Variants in FBXO25 observed in about 807,000 individuals in gnomAD.
FBXO25 encodes the protein F-box only protein 25.
A neutral mutation model predicts 51.9 loss-of-function variants in FBXO25; 45 were observed. That is an observed-to-expected ratio of 0.87 (90% confidence interval 0.68 to 1.11). FBXO25 has a LOEUF of 1.11. FBXO25 is among the 50% of genes most tolerant of loss of function. The pLI, the probability that FBXO25 is intolerant of heterozygous loss-of-function variation, is 0.00. For synonymous variants in FBXO25, 199 were observed against 151.0 expected (o/e 1.32, Z -2.33); for missense variants, 507 against 428.5 (o/e 1.18, Z -1.62).
chr8:458,252 A>C, intron 7 of FBXO25, 117 bp from the exon 8 acceptor site: 119 of 1,110,272 alleles, frequency 1.1e-4, no homozygotes, highest in Non-Finnish European at 1.5e-4. Context: ...CATGACATGG[A>C]GAGCTCTTTT....
At chr8:415,821 A>C (rs1463578919) in intron 2 of FBXO25, among the ~76,000 whole-genome samples, 2 of 152,226 alleles carry the variant, frequency 1.3e-5, no homozygotes, top group East Asian at 3.8e-4. Flanking sequence ...AAGGAAAGAT[A>C]CTGAAGAAGA....
Position 472,315 on chromosome 8 carries a change from T to C in FBXO25, c.*3511T>C, listed in dbSNP as rs1800509347. On this transcript the variant is annotated 3_prime_UTR_variant, in exon 10 of 10. Coordinates refer to ENST00000350302, the MANE Select transcript of FBXO25 (RefSeq NM_183420.2). ...TTTTTCTGCATCTCTTAAGATAATG[T>C]AGTTTTTGGCCTTCATAAGATCATG... 1 of 152,232 alleles carries C rather than the reference T, an allele frequency of 6.6e-6. No individual in the cohort carries two copies. The highest frequency in any genetic ancestry group is 1.5e-5 in the Non-Finnish European group (1 of 68,044). 9.4% of individuals were successfully genotyped at this position (152,232 alleles called of 1,614,324 possible). A position where few individuals can be genotyped will look rare whatever the true frequency, so the allele number is the denominator to read the frequency against.
intron 4 of FBXO25, among the ~76,000 whole-genome samples, chr8:433,419 A>G (rs147511452): frequency 0.11 from 16,424 of 152,086 alleles, 1,090 homozygotes; most frequent in African/African-American, 0.18. Flanking sequence ...GCTGATGGGA[A>G]TGTGTCCTCC....
At chr8:448,619 C>G (rs1193786674) in intron 5 of FBXO25, among the ~76,000 whole-genome samples, 1 of 152,236 alleles carries the variant, frequency 6.6e-6, no homozygotes, top group Non-Finnish European at 1.5e-5. Flanking sequence ...GACTGGATGT[C>G]AGTGAATCTC....
At position 476,126 on chromosome 8, in the gene FBXO25, C is replaced by T. The variant is rs1465816942; in HGVS notation, c.*7322C>T. On this transcript the variant is annotated 3_prime_UTR_variant, in exon 10 of 10. Transcript: ENST00000350302. ...GCTTTTTCTCCATCAATGGAGATCA[C>T]ATTTTTTTCCTTCATTCTATTAATG... 1.3e-5 allele frequency: 2 copies of T among 151,940 alleles called. No homozygotes were observed. The highest frequency in any genetic ancestry group is 4.8e-5 in the African/African-American group (2 of 41,272). The allele number at this position is 151,940 out of a possible 1,614,324, so 9.4% of individuals were successfully genotyped here. A position where few individuals can be genotyped will look rare whatever the true frequency, so the allele number is the denominator to read the frequency against.
intron 9 of FBXO25, among the ~76,000 whole-genome samples, chr8:464,260 T>C (rs1196056821): frequency 6.6e-6 from 1 of 152,244 alleles, no homozygotes; most frequent in African/African-American, 2.4e-5. Flanking sequence ...CCGGCAATTA[T>C]CCACTTTTTT....
chr8:449,683 A>T (rs1181248757), intron 5 of FBXO25, among the ~76,000 whole-genome samples: 1 of 152,192 alleles, frequency 6.6e-6, no homozygotes, highest in Non-Finnish European at 1.5e-5. Flanking sequence ...CTGGAAAGCT[A>T]AAAGCTCCAT....
intron 6 of FBXO25, chr8:450,600 C>A (rs17064974): frequency 0.2 from 29,824 of 152,040 alleles, 4,542 homozygotes; most frequent in African/African-American, 0.43. Context: ...TACAAAAGAA[C>A]GTGTAAACTG....
At chr8:467,876 C>A in intron 9 of FBXO25, 1 of 1,569,366 alleles carries the variant, frequency 6.4e-7, no homozygotes, top group African/African-American at 1.3e-5. Context: ...TTTCTCAGGA[C>A]CCTGAGCAGG....
At chr8:443,470 C>T (rs1798550474) in intron 5 of FBXO25, among the ~76,000 whole-genome samples, 2 of 151,728 alleles carry the variant, frequency 1.3e-5, no homozygotes, top group Admixed American at 6.6e-5. Context: ...AAAAAGCAGA[C>T]GTTCTTTCTG....
chr8:409,903 T>A (rs961466957), intron 1 of FBXO25, among the ~76,000 whole-genome samples: 9 of 152,204 alleles, frequency 5.9e-5, no homozygotes, highest in African/African-American at 2.2e-4. Context: ...TGACCTGGCT[T>A]CTAGTCGCTT....
chr8:457,699 A>G (rs751444839), intron 7 of FBXO25, among the ~76,000 whole-genome samples: 10 of 152,242 alleles, frequency 6.6e-5, no homozygotes, highest in Non-Finnish European at 1.5e-4. Flanking sequence ...ACAAAAATAA[A>G]AGGATTATGA....
At chr8:412,463 G>A (rs1260986533) in intron 1 of FBXO25, among the ~76,000 whole-genome samples, 2 of 152,132 alleles carry the variant, frequency 1.3e-5, no homozygotes, top group Non-Finnish European at 2.9e-5. Context: ...CTTTCCTCCA[G>A]GTGACCCTCA....
At chr8:407,358 C>G in intron 1 of FBXO25, 1 of 953,236 alleles carries the variant, frequency 1.0e-6, no homozygotes, top group Non-Finnish European at 1.2e-6. Context: ...TGCGCGTCTG[C>G]TGAAGTCTGG....
intron 1 of FBXO25, among the ~76,000 whole-genome samples, chr8:411,697 C>T (rs1563058409): frequency 6.6e-6 from 1 of 152,122 alleles, no homozygotes; most frequent in African/African-American, 2.4e-5. Context: ...CTAATCATTT[C>T]AGACAGCCCT....
chr8:413,880 A>T (rs1288728203), intron 2 of FBXO25, among the ~76,000 whole-genome samples: 1 of 152,190 alleles, frequency 6.6e-6, no homozygotes, highest in South Asian at 2.1e-4. Flanking sequence ...TAAAAACCAG[A>T]GACTGCATGA....
In FBXO25 at chr8:476,591, G is replaced by C. The variant is rs193302033; in HGVS notation, c.*7787G>C. On this transcript the variant is annotated 3_prime_UTR_variant, in exon 10 of 10. Transcript: ENST00000350302. ...ATGATTCAATCTTGATAGGCTGTGT[G>C]TTTCTAAGAATTTGTCCAGTTCATC... 7.0e-4 allele frequency: 106 copies of C among 152,228 alleles called. 1 individual carries two copies. Among genetic ancestry groups the C allele is most frequent in the African/African-American group, 2.5e-3 (105 of 41,554 alleles). 9.4% of individuals were successfully genotyped at this position (152,228 alleles called of 1,614,324 possible). A position where few individuals can be genotyped will look rare whatever the true frequency, so the allele number is the denominator to read the frequency against.
intron 7 of FBXO25, among the ~76,000 whole-genome samples, chr8:455,657 A>T (rs189446362): frequency 6.6e-6 from 1 of 152,328 alleles, no homozygotes; most frequent in African/African-American, 2.4e-5. Context: ...GAGAAGTGGG[A>T]ATCATTGACA....
In FBXO25 at chr8:472,056, C is replaced by T; in HGVS notation, c.*3252C>T. On this transcript the variant is annotated 3_prime_UTR_variant, in exon 10 of 10. Coordinates refer to ENST00000350302, the MANE Select transcript of FBXO25 (RefSeq NM_183420.2). ...ACTTCTTCCTCTCAGTCTAGATGTC[C>T]TTTATTCTTTCTTACCCCGTTTCGC... 6.6e-6 allele frequency: 1 copy of T among 152,114 alleles called. No individual in the cohort carries two copies. Among genetic ancestry groups the T allele is most frequent in the East Asian group, 1.9e-4 (1 of 5,196 alleles). 9.4% of individuals were successfully genotyped at this position (152,114 alleles called of 1,614,324 possible).
Sources: gnomAD v4.1 joint callset for allele counts (sites outside exome capture counted in the v4.1 genomes callset) on GRCh38, gnomAD v4.1.1 for gene constraint, MANE v1.5 for transcripts, NCBI Gene and HGNC (gene_info 2026-07-23, HGNC 2026-07-21) for gene names.